Variants in EDIL3 observed in about 807,000 individuals in gnomAD.
EDIL3 encodes the protein EGF like and discoidin domains 3.
A neutral mutation model predicts 67.4 loss-of-function variants in EDIL3; 37 were observed. That is an observed-to-expected ratio of 0.55 (90% CI 0.42 to 0.72). The LOEUF (loss-of-function observed/expected upper bound fraction) is 0.72, where lower values mean the gene tolerates loss of function less well. Among genes scored for constraint, EDIL3 ranks in the 30% least tolerant of loss-of-function variants. The probability of loss-of-function intolerance (pLI) is 0.00; values close to 1 mark genes in which losing one functional copy is unlikely to be tolerated. For synonymous variants in EDIL3, 195 were observed against 196.3 expected (o/e 0.99, Z 0.05); for missense variants, 527 against 586.3 (o/e 0.90, Z 1.04).
intron 6 of EDIL3, among the ~76,000 whole-genome samples, chr5:84,089,924 G>A (rs1008180729): frequency 1.3e-5 from 2 of 152,108 alleles, no homozygotes; most frequent in Admixed American, 6.5e-5. Flanking sequence ...TAATTAAAAT[G>A]TAAATGGATT....
At chr5:84,330,844 C>G (rs1046496599) in intron 1 of EDIL3, among the ~76,000 whole-genome samples, 4 of 152,094 alleles carry the variant, frequency 2.6e-5, no homozygotes, top group African/African-American at 9.7e-5. Flanking sequence ...CACAGAAAAA[C>G]AAATTAGGAA....
chr5:84,347,578 G>A (rs1454999155), intron 1 of EDIL3, among the ~76,000 whole-genome samples: 1 of 152,144 alleles, frequency 6.6e-6, no homozygotes, highest in Non-Finnish European at 1.5e-5. Context: ...AGACAAGTCA[G>A]GATGAAGATT....
intron 3 of EDIL3, among the ~76,000 whole-genome samples, chr5:84,221,070 T>C (rs1744332314): frequency 1.3e-5 from 2 of 152,190 alleles, no homozygotes; most frequent in South Asian, 4.1e-4. Context: ...TTAATCTATA[T>C]TAAATTGAAT....
chr5:84,336,633 T>G (rs765712615), intron 1 of EDIL3, among the ~76,000 whole-genome samples: 4 of 152,042 alleles, frequency 2.6e-5, no homozygotes, highest in Non-Finnish European at 5.9e-5. Flanking sequence ...GAGAAAGAGG[T>G]TGAAGAAGGT....
intron 10 of EDIL3, among the ~76,000 whole-genome samples, chr5:83,959,483 G>C (rs180864592): frequency 5.3e-5 from 8 of 151,064 alleles, no homozygotes; most frequent in African/African-American, 1.9e-4. Flanking sequence ...AGAAGACTTA[G>C]AAGCTTTTGT....
intron 1 of EDIL3, among the ~76,000 whole-genome samples, chr5:84,361,493 C>A (rs1477459825): frequency 6.6e-6 from 1 of 151,950 alleles, no homozygotes; most frequent in Non-Finnish European, 1.5e-5. Context: ...ATCATAGGTA[C>A]TCTAATTTTT....
intron 5 of EDIL3, among the ~76,000 whole-genome samples, chr5:84,110,810 G>A (rs1178161362): frequency 6.6e-6 from 1 of 152,126 alleles, no homozygotes; most frequent in African/African-American, 2.4e-5. Context: ...GAGGCAACAG[G>A]AACATTAACA....
At chr5:83,954,524 C>A (rs1296231052) in intron 10 of EDIL3, among the ~76,000 whole-genome samples, 2 of 151,654 alleles carry the variant, frequency 1.3e-5, no homozygotes, top group Non-Finnish European at 2.9e-5. Context: ...ACGTGATGAG[C>A]CTTCTCCCTC....
At chr5:84,068,263 T>C (rs1037090387) in intron 6 of EDIL3, among the ~76,000 whole-genome samples, 2 of 152,316 alleles carry the variant, frequency 1.3e-5, no homozygotes, top group African/African-American at 2.4e-5. Context: ...AGACTCTTTG[T>C]AGTTTAAACA....
intron 5 of EDIL3, among the ~76,000 whole-genome samples, chr5:84,118,071 A>T (rs1292744794): frequency 1.3e-5 from 2 of 152,190 alleles, no homozygotes; most frequent in Non-Finnish European, 2.9e-5. Context: ...TATACAGGGA[A>T]GATAAATTGC....
chr5:84,080,723 G>T (rs1746951088), intron 6 of EDIL3, among the ~76,000 whole-genome samples: 1 of 152,034 alleles, frequency 6.6e-6, no homozygotes, highest in South Asian at 2.1e-4. Flanking sequence ...TGATATCTAG[G>T]ATTCTATACT....
chr5:83,980,676 A>AATATATATATATATAT (rs113580835), intron 9 of EDIL3, among the ~76,000 whole-genome samples: 1 of 141,066 alleles, frequency 7.1e-6, no homozygotes, highest in East Asian at 2.1e-4. Flanking sequence ...GAAAGATTGA[A>AATATATATATATATAT]ATATATATAT....
intron 4 of EDIL3, among the ~76,000 whole-genome samples, chr5:84,147,944 G>C (rs914392544): frequency 4.6e-5 from 7 of 151,932 alleles, no homozygotes; most frequent in Non-Finnish European, 7.4e-5. Context: ...AATACTTCCT[G>C]CTTCTATATT....
At chr5:84,300,906 C>A (rs572808855) in intron 1 of EDIL3, among the ~76,000 whole-genome samples, 2 of 150,232 alleles carry the variant, frequency 1.3e-5, no homozygotes, top group East Asian at 3.9e-4. Flanking sequence ...TGACTCCAAG[C>A]CAAATATACA....
At chr5:84,000,667 A>T (rs1476464350) in intron 9 of EDIL3, among the ~76,000 whole-genome samples, 1 of 152,034 alleles carries the variant, frequency 6.6e-6, no homozygotes, top group Non-Finnish European at 1.5e-5. Context: ...AAATCCACAA[A>T]ATAACCAGAA....
In EDIL3 at chr5:84,132,183, C is replaced by T. The variant is rs572572130; in HGVS notation, c.469+5058G>A. Among the ~76,000 whole-genome samples the T allele has an allele frequency of 1.6e-4, 24 of 146,160 alleles. No homozygotes were observed. In the South Asian group the frequency reaches 3.6e-3, roughly 22 times the overall value. ...CTGGGAGGTGGAGGTTGCAGCCAGC[C>T]GACATCGCACTACAGCACTCTAGCC... On this transcript the variant is annotated intron_variant, in intron 5 of 10. Transcript: ENST00000296591.
intron 6 of EDIL3, among the ~76,000 whole-genome samples, chr5:84,072,965 A>C (rs1370931426): frequency 6.6e-6 from 1 of 152,192 alleles, no homozygotes; most frequent in Admixed American, 6.5e-5. Context: ...AAACACTTTT[A>C]TTACAAGAAC....
chr5:83,942,989 A>G lies in EDIL3; in HGVS notation c.*430T>C, dbSNP rs1308009492. On this transcript the variant is annotated 3_prime_UTR_variant, in exon 11 of 11. Coordinates refer to ENST00000296591, the MANE Select transcript of EDIL3 (RefSeq NM_005711.5). ...CGTAGAGTCATTACAGAAGAAAAAA[A>G]CTTATTGCTAACATTGCAGTATTCC... The G allele has an allele frequency of 1.1e-5, 2 of 176,138 alleles. No homozygotes were observed. Among genetic ancestry groups the G allele is most frequent in the African/African-American group, 4.8e-5 (2 of 41,546 alleles). The allele number at this position is 176,138 out of a possible 1,614,324, so 10.9% of individuals were successfully genotyped here. A position where few individuals can be genotyped will look rare whatever the true frequency, so the allele number is the denominator to read the frequency against.
chr5:84,218,317 A>G (rs911828384), intron 3 of EDIL3, among the ~76,000 whole-genome samples: 5 of 152,218 alleles, frequency 3.3e-5, no homozygotes, highest in African/African-American at 1.2e-4. Flanking sequence ...CAGTTTAACA[A>G]TTTTGTCAGT....
Sources: allele counts gnomAD v4.1 joint callset (sites outside exome capture counted in the v4.1 genomes callset), GRCh38; gene constraint gnomAD v4.1.1; transcripts MANE v1.5; gene names NCBI Gene and HGNC (gene_info 2026-07-23, HGNC 2026-07-21).